The following PHACTR2 variants were observed in gnomAD, a reference collection of about 807,000 sequenced individuals.
The protein encoded by PHACTR2 is phosphatase and actin regulator 2.
A neutral mutation model predicts 76.0 loss-of-function variants in PHACTR2; 30 were observed. That is an observed-to-expected ratio of 0.39 (90% CI 0.30 to 0.54). PHACTR2 has a LOEUF of 0.54. Among genes scored for constraint, PHACTR2 ranks in the 20% least tolerant of loss-of-function variants. PHACTR2 has a pLI of 0.61. For missense variants in PHACTR2, 696 were observed against 781.1 expected (o/e 0.89, Z 1.30); for synonymous variants, 292 against 292.5 (o/e 1.00, Z 0.02).
Position 143,711,854 on chromosome 6 carries a change from G to GA in PHACTR2, c.47-161dup, listed in dbSNP as rs776127617. The GA allele has an allele frequency of 3.9e-6, 3 of 766,346 alleles. No homozygotes were observed. In the African/African-American group the frequency reaches 5.1e-5, roughly 13 times the overall value. 47.5% of individuals were successfully genotyped at this position (766,346 alleles called of 1,614,324 possible). A position where few individuals can be genotyped will look rare whatever the true frequency, so the allele number is the denominator to read the frequency against. The stretch of plus-strand genomic sequence containing the variant: ...TAATTTCTGATTGACTGATTGATAT[G>GA]AGGGAAGTCCTACCAGCTGTGAAAT... On this transcript the variant is annotated intron_variant, in intron 1 of 12. Transcript: ENST00000440869.
intron 2 of PHACTR2, among the ~76,000 whole-genome samples, chr6:143,715,448 C>T (rs1328595784): frequency 6.6e-6 from 1 of 152,218 alleles, no homozygotes; most frequent in African/African-American, 2.4e-5. Context: ...GATGCCCATG[C>T]ACATCTACCC....
rs1454115172 is a variant in PHACTR2, at chr6:143,639,615, ACT to A, written c.13+31297_13+31298del. 2.6e-5 allele frequency among the ~76,000 whole-genome samples: 4 copies of A among 152,012 alleles called. No homozygotes were observed. The highest frequency in any genetic ancestry group is 1.5e-5 in the Non-Finnish European group (1 of 68,002). On this transcript the variant is annotated intron_variant, in intron 1 of 11. Transcript: ENST00000305766. This position sits in a 1 kb window ranked among gnomAD's most constrained non-coding sequence, Gnocchi z 5.0. ...CTGATTATAGCGGGAGGGATTACTAACTCTCCCTTTGATGATGGATTAGCATA... is the reference window on the plus strand; with the variant it reads ...CTGATTATAGCGGGAGGGATTACTAACTCCCTTTGATGATGGATTAGCATA...
At chr6:143,635,029 C>T (rs2128442759) in intron 1 of PHACTR2, among the ~76,000 whole-genome samples, 1 of 152,198 alleles carries the variant, frequency 6.6e-6, no homozygotes, top group African/African-American at 2.4e-5. Flanking sequence ...CTTAGGGTCA[C>T]TATTATCATT....
At chr6:143,603,349 A>G (rs1233209376), upstream of PHACTR2, among the ~76,000 whole-genome samples, 1 of 151,548 alleles carries the variant, frequency 6.6e-6, no homozygotes, top group African/African-American at 2.4e-5. Context: ...GAGGGATTGG[A>G]CTCAACTTTG....
Position 143,775,486 on chromosome 6 carries a change from C to A in PHACTR2, c.1589+1271C>A, listed in dbSNP as rs1031362219. Among the ~76,000 whole-genome samples, 2 of 152,158 alleles carry A rather than the reference C, an allele frequency of 1.3e-5. No individual in the cohort carries two copies. The highest frequency in any genetic ancestry group is 1.5e-5 in the Non-Finnish European group (1 of 68,022). ...AACTTGCCATCTTACCAAGGAAAAA[C>A]AAGGGGCCTCTCTGAGGCCCAGAGA... is the stretch of plus-strand genomic sequence containing the variant. On this transcript the variant is annotated intron_variant, in intron 8 of 12. Coordinates refer to ENST00000440869, the MANE Select transcript of PHACTR2 (RefSeq NM_001100164.2). The surrounding 1 kb of genome is among the most constrained non-coding windows in gnomAD (Gnocchi z 4.4).
At position 143,614,624 on chromosome 6, in the gene PHACTR2, C is replaced by T. The variant is rs143805013; in HGVS notation, c.13+6302C>T. On this transcript the variant is annotated intron_variant, in intron 1 of 11. Coordinates refer to the PHACTR2 transcript ENST00000305766. ...TTCATGTACATGAAATTCCATTGCA[C>T]ATGTACATGAATATGTACATTTCAT... 1.8e-3 allele frequency among the ~76,000 whole-genome samples: 276 copies of T among 152,214 alleles called. 1 individual carries two copies. The highest frequency in any genetic ancestry group is 6.8e-3 in the Middle Eastern group (2 of 294).
rs1241220142 is a variant in PHACTR2, at chr6:143,748,804, A to G, written c.215-181A>G. Reference sequence around the variant, plus strand: ...GGACTTCAGATCATGGGCTGCAGCCATTTGCTCTTGTCATAGCTGTGTTGA... The same window carrying G: ...GGACTTCAGATCATGGGCTGCAGCCGTTTGCTCTTGTCATAGCTGTGTTGA... On this transcript the variant is annotated intron_variant, in intron 2 of 12. Transcript: ENST00000440869. The G allele has an allele frequency of 2.0e-5, 9 of 456,382 alleles. 1 individual carries two copies. The highest frequency in any genetic ancestry group is 2.7e-5 in the Non-Finnish European group (7 of 259,800). The allele number at this position is 456,382 out of a possible 1,614,324, so 28.3% of individuals were successfully genotyped here.
At chr6:143,736,040 A>G (rs1778811032) in intron 2 of PHACTR2, among the ~76,000 whole-genome samples, 2 of 152,180 alleles carry the variant, frequency 1.3e-5, no homozygotes, top group South Asian at 4.1e-4. Flanking sequence ...TTATTAATAA[A>G]TTTTTATAGA....
intron 1 of PHACTR2, among the ~76,000 whole-genome samples, chr6:143,661,858 A>G (rs1164990984): frequency 7.9e-5 from 12 of 152,088 alleles, no homozygotes; most frequent in Admixed American, 7.9e-4. Context: ...CACCTGACCT[A>G]AAATTTTCCC....
rs148674936 is a variant in PHACTR2, at chr6:143,682,478, A to T, written c.46+4269A>T. On this transcript the variant is annotated intron_variant, in intron 1 of 12. Transcript: ENST00000440869. Reference sequence around the variant, plus strand: ...GATCCACCCACCTGGGCCTTCCAATATTGCAGGGATTATAGGCATGAGCCA... The same window carrying T: ...GATCCACCCACCTGGGCCTTCCAATTTTGCAGGGATTATAGGCATGAGCCA... Among the ~76,000 whole-genome samples the T allele has an allele frequency of 8.8e-3, 1,336 of 152,110 alleles. 23 individuals are homozygous for T. Among genetic ancestry groups the T allele is most frequent in the African/African-American group, 0.03 (1,245 of 41,466 alleles).
chr6:143,671,404 C>G lies in PHACTR2; in HGVS notation c.14-40612C>G, dbSNP rs1421445652. Among the ~76,000 whole-genome samples the G allele has an allele frequency of 6.6e-6, 1 of 152,186 alleles. No homozygotes were observed. Among genetic ancestry groups the G allele is most frequent in the African/African-American group, 2.4e-5 (1 of 41,456 alleles). On this transcript the variant is annotated intron_variant, in intron 1 of 11. Coordinates refer to the PHACTR2 transcript ENST00000305766. The surrounding 1 kb of genome is among the most constrained non-coding windows in gnomAD (Gnocchi z 4.6). Reference sequence around the variant, plus strand: ...CTTTCTTCTTGGAACACCTCTCCCCCAGATAGCCATATGGTTAACTCCATT... The same window carrying G: ...CTTTCTTCTTGGAACACCTCTCCCCGAGATAGCCATATGGTTAACTCCATT...
chr6:143,711,960 G>T, intron 1 of PHACTR2, 56 bp from the exon 2 acceptor site: 1 of 1,485,182 alleles, frequency 6.7e-7, no homozygotes, highest in South Asian at 1.1e-5. Flanking sequence ...TTGATGATGT[G>T]GTTTTATTAC....
At chr6:143,604,438 T>C (rs1775845338), upstream of PHACTR2, among the ~76,000 whole-genome samples, 1 of 152,180 alleles carries the variant, frequency 6.6e-6, no homozygotes, top group Non-Finnish European at 1.5e-5. Flanking sequence ...GAGTGGTGTT[T>C]CTGCTCTTTT....
Position 143,754,550 on chromosome 6 carries a change from A to G in PHACTR2, c.454+638A>G, listed in dbSNP as rs972671703. ...CTATTCCCAGAAGACTTCTTTAGAG[A>G]CCTTGGTTCCTAGAGTGAATATGCT... On this transcript the variant is annotated intron_variant, in intron 4 of 12. Coordinates refer to ENST00000440869, the MANE Select transcript of PHACTR2 (RefSeq NM_001100164.2). The surrounding 1 kb of genome is among the most constrained non-coding windows in gnomAD (Gnocchi z 6.2). 6.6e-6 allele frequency among the ~76,000 whole-genome samples: 1 copy of G among 152,148 alleles called. No homozygotes were observed. The highest frequency in any genetic ancestry group is 2.4e-5 in the African/African-American group (1 of 41,420).
chr6:143,762,864 G>A (rs1042476278), intron 5 of PHACTR2, among the ~76,000 whole-genome samples: 2 of 152,112 alleles, frequency 1.3e-5, no homozygotes, highest in Non-Finnish European at 2.9e-5. Context: ...GTACTTAACT[G>A]AGGAGAGGCG....
At chr6:143,673,850 T>A (rs542178768), upstream of PHACTR2, among the ~76,000 whole-genome samples, 113 of 152,042 alleles carry the variant, frequency 7.4e-4, no homozygotes, top group African/African-American at 2.4e-3. Context: ...AGGCAAGGTA[T>A]TTTGTTAATC....
intron 1 of PHACTR2, among the ~76,000 whole-genome samples, chr6:143,642,201 G>T (rs1241837004): frequency 6.6e-6 from 1 of 152,124 alleles, no homozygotes; most frequent in Admixed American, 6.5e-5. Context: ...ATTATTATTT[G>T]TAATTTCCTC....
chr6:143,662,368 A>C lies in PHACTR2; in HGVS notation c.14-49648A>C, dbSNP rs1318761359. ...ATAAAAGTAAAGAAGAGATGAAGTT[A>C]AGCCTGTTAAATATAAGAAACTACT... On this transcript the variant is annotated intron_variant, in intron 1 of 11. Transcript: ENST00000305766. This position sits in a 1 kb window ranked among gnomAD's most constrained non-coding sequence, Gnocchi z 4.7. 6.6e-6 allele frequency among the ~76,000 whole-genome samples: 1 copy of C among 152,194 alleles called. No homozygotes were observed. The highest frequency in any genetic ancestry group is 1.5e-5 in the Non-Finnish European group (1 of 68,026).
chr6:143,701,602 T>C (rs1183092021), intron 1 of PHACTR2, among the ~76,000 whole-genome samples: 1 of 152,102 alleles, frequency 6.6e-6, no homozygotes, highest in African/African-American at 2.4e-5. Flanking sequence ...ACTACCCTCC[T>C]CCCCATTTTT....
Sources: allele counts gnomAD v4.1 joint callset (sites outside exome capture counted in the v4.1 genomes callset), GRCh38; gene constraint gnomAD v4.1.1; non-coding constraint Gnocchi (gnomAD v3.1); transcripts MANE v1.5; gene names NCBI Gene and HGNC (gene_info 2026-07-23, HGNC 2026-07-21).